NCOA2: variants seen among roughly 807,000 people sequenced by gnomAD.
The protein encoded by NCOA2 is nuclear receptor coactivator 2.
A neutral mutation model predicts 145.1 loss-of-function variants in NCOA2; 21 were observed. The observed-to-expected ratio is 0.14, with a 90% CI of 0.10 to 0.21. The LOEUF (loss-of-function observed/expected upper bound fraction) is 0.21. Among genes scored for constraint, NCOA2 ranks in the 10% least tolerant of loss-of-function variants. NCOA2 has a pLI of 1.00. For synonymous variants in NCOA2, 619 were observed against 637.5 expected, an observed-to-expected ratio of 0.97 and a Z score of 0.44; for missense variants, 1,472 against 1,837.6, an observed-to-expected ratio of 0.80 and a Z score of 3.64.
chr8:70,249,011 A>AC (rs1234415538), intron 2 of NCOA2, among the ~76,000 whole-genome samples: 1 of 151,552 alleles, frequency 6.6e-6, no homozygotes, highest in African/African-American at 2.4e-5. Context: ...AAGATTCTCC[A>AC]CCCCCCGGAT....
At position 70,211,890 on chromosome 8, in the gene NCOA2, CAG is replaced by C. The variant is rs980228732; in HGVS notation, c.259+2011_259+2012del. 1.8e-4 allele frequency among the ~76,000 whole-genome samples: 28 copies of C among 152,060 alleles called. No individual in the cohort carries two copies. The East Asian group carries it at 4.2e-3, about 23-fold the overall frequency. ...ACATTATTAGAAGAATAAGACGTGACAGGGTATATATTGCTGCTTCTTGGGTG... is the reference window on the plus strand; with the variant it reads ...ACATTATTAGAAGAATAAGACGTGACGGTATATATTGCTGCTTCTTGGGTG... On this transcript the variant is annotated intron_variant, in intron 4 of 22. Transcript: ENST00000452400.
chr8:70,434,994 C>G, the NCOA2 span, among the ~76,000 whole-genome samples: 1 of 152,196 alleles, frequency 6.6e-6, no homozygotes, highest in Non-Finnish European at 1.5e-5. Context: ...TAACCAATCT[C>G]TCCTTCCCCA....
intron 4 of NCOA2, among the ~76,000 whole-genome samples, chr8:70,188,050 G>T (rs1294935027): frequency 2.0e-5 from 3 of 152,222 alleles, no homozygotes; most frequent in Non-Finnish European, 4.4e-5. Context: ...TTACAGGTGA[G>T]GCTGAAGATG....
chr8:70,371,909 C>A (rs763689472), intron 1 of NCOA2, among the ~76,000 whole-genome samples: 10 of 152,054 alleles, frequency 6.6e-5, no homozygotes, highest in Non-Finnish European at 1.2e-4. Context: ...TAACAAAGTA[C>A]GTTCATCTGA....
the NCOA2 span, among the ~76,000 whole-genome samples, chr8:70,442,553 T>G: frequency 6.6e-6 from 1 of 152,236 alleles, no homozygotes. Context: ...AAAGGGAAAC[T>G]TCTTAAGTTA....
chr8:70,351,611 A>G (rs13279308), intron 1 of NCOA2, among the ~76,000 whole-genome samples: 183 of 133,544 alleles, frequency 1.4e-3, no homozygotes, highest in Non-Finnish European at 2.5e-3. Context: ...TTTTTTTTTT[A>G]AAGTCTTGCT....
At chr8:70,221,387 G>GT in intron 2 of NCOA2, among the ~76,000 whole-genome samples, 1 of 152,230 alleles carries the variant, frequency 6.6e-6, no homozygotes, top group African/African-American at 2.4e-5. Flanking sequence ...TTCTAAACTG[G>GT]TAACAGTTTC....
chr8:70,434,669 C>T, the NCOA2 span, among the ~76,000 whole-genome samples: 1 of 152,230 alleles, frequency 6.6e-6, no homozygotes, highest in Non-Finnish European at 1.5e-5. Flanking sequence ...TCGGGGCTCA[C>T]GTGATCTTCT....
intron 2 of NCOA2, among the ~76,000 whole-genome samples, chr8:70,289,531 C>T (rs1459834123): frequency 6.6e-6 from 1 of 152,112 alleles, no homozygotes; most frequent in Non-Finnish European, 1.5e-5. Context: ...TGCTGGGGTT[C>T]TGTCATACTG....
intron 1 of NCOA2, among the ~76,000 whole-genome samples, chr8:70,341,292 T>C (rs1808122353): frequency 6.6e-6 from 1 of 152,006 alleles, no homozygotes; most frequent in Admixed American, 6.6e-5. Flanking sequence ...ACTTGGGAGG[T>C]GGGAGGATCG....
chr8:70,128,787 C>A lies in NCOA2; in HGVS notation c.3518G>T (p.Arg1173Ile), dbSNP rs763951026. ...PSYATLRMQP[R>I]PGLRPTGLVQ... Reference sequence around the variant, plus strand: ...TAGGCCCGTGGGCCTGAGGCCCGGTCTGGGCTGCATACGGAGTGTGGCATA... The same window carrying A: ...TAGGCCCGTGGGCCTGAGGCCCGGTATGGGCTGCATACGGAGTGTGGCATA... The change falls in exon 17 of 23, where the codon AGA becomes ATA. Residue 1173 changes from arginine (R) to isoleucine (I), a missense_variant. By Grantham distance (97) the Arg-to-Ile change is moderately conservative. Coordinates refer to ENST00000452400, the MANE Select transcript of NCOA2 (RefSeq NM_006540.4). 6 of 1,613,934 alleles carry A rather than the reference C, an allele frequency of 3.7e-6. No individual in the cohort carries two copies. Among genetic ancestry groups the A allele is most frequent in the Non-Finnish European group, 4.2e-6 (5 of 1,179,914 alleles).
chr8:70,311,277 G>A (rs1219392706), intron 1 of NCOA2, among the ~76,000 whole-genome samples: 1 of 152,062 alleles, frequency 6.6e-6, no homozygotes, highest in Admixed American at 6.5e-5. Flanking sequence ...GAATAGGGTG[G>A]GGGAAAGTGG....
intron 19 of NCOA2, among the ~76,000 whole-genome samples, chr8:70,125,875 A>C (rs988988130): frequency 6.6e-6 from 1 of 152,348 alleles, no homozygotes; most frequent in African/African-American, 2.4e-5. Context: ...AGAAGGAAAT[A>C]GAGAAAGGAG....
the NCOA2 span, among the ~76,000 whole-genome samples, chr8:70,412,756 C>T: frequency 6.7e-6 from 1 of 150,296 alleles, no homozygotes; most frequent in African/African-American, 2.5e-5. Context: ...TACAGATAGA[C>T]ATAACACCAG....
chr8:70,329,877 C>G (rs1282016955), intron 1 of NCOA2, among the ~76,000 whole-genome samples: 2 of 152,090 alleles, frequency 1.3e-5, no homozygotes, highest in Admixed American at 6.6e-5. Flanking sequence ...AAACTAATTA[C>G]AAAGAACAGA....
intron 5 of NCOA2, among the ~76,000 whole-genome samples, chr8:70,174,186 C>G (rs1814575370): frequency 6.6e-6 from 1 of 152,136 alleles, no homozygotes; most frequent in South Asian, 2.1e-4. Context: ...CTGTACTTTA[C>G]AAACTGTAGA....
chr8:70,118,007 C>G (rs115424775), intron 22 of NCOA2, among the ~76,000 whole-genome samples: 2,105 of 152,224 alleles, frequency 0.014, 60 homozygotes, highest in African/African-American at 0.048. Context: ...TCCTGGGGTT[C>G]TTGGGAGACA....
At chr8:70,123,563 TTTAAA>T (rs1223486889) in intron 21 of NCOA2, among the ~76,000 whole-genome samples, 2 of 148,620 alleles carry the variant, frequency 1.3e-5, no homozygotes, top group Admixed American at 6.8e-5. Context: ...ATAGAGCTAT[TTTAAA>T]AGTACACTCA....
the NCOA2 span, among the ~76,000 whole-genome samples, chr8:70,441,438 GAA>G: frequency 9.1e-6 from 1 of 109,866 alleles, no homozygotes; most frequent in Admixed American, 9.5e-5. Flanking sequence ...AGAAGAGAAA[GAA>G]AAAAGAAAAA....
Sources: allele counts gnomAD v4.1 joint callset (sites outside exome capture counted in the v4.1 genomes callset), GRCh38; gene constraint gnomAD v4.1.1; transcripts MANE v1.5; gene names NCBI Gene and HGNC (gene_info 2026-07-23, HGNC 2026-07-21).